TRPM3: variants seen among roughly 807,000 people sequenced by gnomAD.
TRPM3 encodes long transient receptor potential channel 3.
A neutral mutation model predicts 181.2 loss-of-function variants in TRPM3; 77 were observed. The observed-to-expected ratio is 0.42, with a 90% confidence interval of 0.35 to 0.51. The LOEUF (loss-of-function observed/expected upper bound fraction) is 0.51. Ranked by LOEUF, TRPM3 falls within the 20% of genes least tolerant of loss-of-function variation. The probability of loss-of-function intolerance (pLI) is 0.01; values close to 1 mark genes in which losing one functional copy is unlikely to be tolerated. For missense variants in TRPM3, 1,759 were observed against 2,196.7 expected, an observed-to-expected ratio of 0.80 and a Z score of 3.98; for synonymous variants, 745 against 796.4, an observed-to-expected ratio of 0.94 and a Z score of 1.09.
chr9:71,420,094 A>G (rs2093702969), intron 1 of TRPM3, among the ~76,000 whole-genome samples: 1 of 151,950 alleles, frequency 6.6e-6, no homozygotes. Flanking sequence ...TCATTTTCCC[A>G]TTTTAAACCT....
chr9:71,137,048 G>A (rs919851263), intron 1 of TRPM3, among the ~76,000 whole-genome samples: 1 of 152,134 alleles, frequency 6.6e-6, no homozygotes, highest in African/African-American at 2.4e-5. Context: ...ACCAAGACTA[G>A]TACAAGGAAA....
chr9:70,646,887 A>AAAAAAAAAAAAAC (rs2058948569), intron 9 of TRPM3, among the ~76,000 whole-genome samples: 1 of 147,584 alleles, frequency 6.8e-6, no homozygotes, highest in Non-Finnish European at 1.5e-5. Flanking sequence ...AAAAAAAAAA[A>AAAAAAAAAAAAAC]AAAACCCTCA....
At chr9:70,682,743 G>T (rs762752125) in intron 8 of TRPM3, among the ~76,000 whole-genome samples, 3 of 152,144 alleles carry the variant, frequency 2.0e-5, no homozygotes, top group Non-Finnish European at 4.4e-5. Context: ...CAAGTCAGAG[G>T]AGGCTATAGA....
intron 1 of TRPM3, among the ~76,000 whole-genome samples, chr9:70,941,223 C>T (rs112910978): frequency 0.02 from 2,979 of 152,308 alleles, 50 homozygotes; most frequent in East Asian, 0.046. Context: ...TAATCAACTA[C>T]CAGCATGGCT....
At chr9:71,402,112 C>T (rs143456123) in intron 1 of TRPM3, among the ~76,000 whole-genome samples, 28 of 152,176 alleles carry the variant, frequency 1.8e-4, no homozygotes, top group African/African-American at 4.3e-4. Flanking sequence ...AATTACTCAT[C>T]GCAAATTAGA....
chr9:70,606,941 C>G (rs922616940), intron 19 of TRPM3, among the ~76,000 whole-genome samples: 4 of 152,076 alleles, frequency 2.6e-5, no homozygotes, highest in Non-Finnish European at 5.9e-5. Context: ...CTCTGGAGAG[C>G]AGAGGGGCAC....
intron 1 of TRPM3, among the ~76,000 whole-genome samples, chr9:71,225,766 C>T (rs774859950): frequency 2.0e-5 from 3 of 151,960 alleles, no homozygotes; most frequent in Non-Finnish European, 4.4e-5. Flanking sequence ...AAATGATTCT[C>T]CTGCCTCAGC....
intron 1 of TRPM3, among the ~76,000 whole-genome samples, chr9:70,909,630 C>T (rs535181220): frequency 6.6e-6 from 1 of 152,134 alleles, no homozygotes; most frequent in Non-Finnish European, 1.5e-5. Flanking sequence ...GGGGCATGCA[C>T]ATAAATTGGG....
chr9:70,603,462 A>G lies in TRPM3; in HGVS notation c.2676T>C (p.Tyr892=), dbSNP rs1351323268. The change falls in exon 20 of 26, where the codon TAT becomes TAC. Residue 892 remains tyrosine (Y), a synonymous_variant. Transcript: ENST00000677713. ...IVKFWFYTLA[Y]IGYLMLFNYI... is the part of the protein sequence containing the mutation. ...AGTTGAAGAGCATCAGGTATCCGAT[A>G]TACGCCAGCTGTAAGGAGACACAAT... The G allele has an allele frequency of 6.2e-7, 1 of 1,614,094 alleles. No individual in the cohort carries two copies. The highest frequency in any genetic ancestry group is 8.5e-7 in the Non-Finnish European group (1 of 1,180,000).
intron 9 of TRPM3, among the ~76,000 whole-genome samples, chr9:70,674,851 C>A (rs555829412): frequency 6.7e-6 from 1 of 149,928 alleles, no homozygotes; most frequent in South Asian, 2.1e-4. Flanking sequence ...CATGCATGAG[C>A]CATTGCACCC....
intron 1 of TRPM3, among the ~76,000 whole-genome samples, chr9:71,096,341 G>C (rs2067200009): frequency 1.3e-5 from 2 of 149,882 alleles, no homozygotes; most frequent in South Asian, 2.2e-4. Context: ...TCTAGGACCT[G>C]AAGGAACAAG....
At chr9:71,240,670 T>TA (rs143479703) in intron 1 of TRPM3, among the ~76,000 whole-genome samples, 5,923 of 151,354 alleles carry the variant, frequency 0.039, 403 homozygotes, top group African/African-American at 0.14. Context: ...TAGCAATTTG[T>TA]AAAAAAAGTT....
intron 7 of TRPM3, among the ~76,000 whole-genome samples, chr9:70,764,333 G>A (rs2078697503): frequency 6.6e-6 from 1 of 152,140 alleles, no homozygotes. Flanking sequence ...CAACAGAAAG[G>A]ATTCTCCTGA....
At position 71,426,499 on chromosome 9, in the gene TRPM3, C is replaced by T. The variant is rs558829905; in HGVS notation, c.183+20154G>A. On this transcript the variant is annotated intron_variant, in intron 1 of 24. Coordinates refer to the TRPM3 transcript ENST00000357533. ...TGATACAGAGTGTCAGGGATAGAACCCAAATCTAACTCCAATCTTCTGAAA... is the reference window on the plus strand; with the variant it reads ...TGATACAGAGTGTCAGGGATAGAACTCAAATCTAACTCCAATCTTCTGAAA... 3.9e-5 allele frequency among the ~76,000 whole-genome samples: 6 copies of T among 152,054 alleles called. No individual in the cohort carries two copies. The South Asian group carries it at 1.2e-3, about 32-fold the overall frequency.
rs111258148 is a variant in TRPM3, at chr9:70,751,238, T to C, written c.1272+10363A>G. ...TAAAAGGAGAAAAAGCATGAAAATGTCCTATATTGGGAAAGTACGAACTAA... is the reference window on the plus strand; with the variant it reads ...TAAAAGGAGAAAAAGCATGAAAATGCCCTATATTGGGAAAGTACGAACTAA... On this transcript the variant is annotated intron_variant, in intron 8 of 25. Transcript: ENST00000677713. Among the ~76,000 whole-genome samples the C allele has an allele frequency of 6.6e-5, 10 of 152,182 alleles. No individual in the cohort carries two copies. The South Asian group carries it at 8.3e-4, about 13-fold the overall frequency.
At chr9:70,614,825 C>T (rs990728714) in intron 18 of TRPM3, among the ~76,000 whole-genome samples, 57 of 152,132 alleles carry the variant, frequency 3.7e-4, no homozygotes, top group African/African-American at 1.3e-3. Flanking sequence ...TTACTATTGC[C>T]AATTTTCTTC....
intron 1 of TRPM3, among the ~76,000 whole-genome samples, chr9:71,394,272 C>T (rs2093136880): frequency 1.3e-5 from 2 of 152,084 alleles, no homozygotes; most frequent in Non-Finnish European, 1.5e-5. Context: ...AAGTAAAATA[C>T]TTTCATAATT....
intron 1 of TRPM3, among the ~76,000 whole-genome samples, chr9:71,129,894 T>C (rs2074266863): frequency 6.6e-6 from 1 of 152,206 alleles, no homozygotes; most frequent in Admixed American, 6.5e-5. Context: ...CCCTACCTTC[T>C]AGTTACATCT....
chr9:70,980,067 G>GCACACACACA (rs10527749), intron 1 of TRPM3, among the ~76,000 whole-genome samples: 48,787 of 137,804 alleles, frequency 0.35, 8,934 homozygotes, highest in Middle Eastern at 0.44. Flanking sequence ...GCATGTGCGT[G>GCACACACACA]CACACACACA....
Sources: gnomAD v4.1 joint callset for allele counts (sites outside exome capture counted in the v4.1 genomes callset) on GRCh38, gnomAD v4.1.1 for gene constraint, MANE v1.5 for transcripts, NCBI Gene and HGNC (gene_info 2026-07-23, HGNC 2026-07-21) for gene names.